DOT1L: variants seen among roughly 807,000 people sequenced by gnomAD.
DOT1L encodes the protein DOT1 like histone lysine methyltransferase, also known as histone-lysine N-methyltransferase, H3 lysine-79 specific.
In DOT1L, 33 loss-of-function variants were observed where a neutral mutation model predicts 153.3. The observed-to-expected ratio is 0.22, with a 90% CI of 0.16 to 0.29. The LOEUF is 0.29. Ranked by LOEUF, DOT1L falls within the 10% of genes least tolerant of loss-of-function variation. DOT1L has a pLI of 1.00. For synonymous variants in DOT1L, 1,135 were observed against 965.1 expected, an observed-to-expected ratio of 1.18 and a Z score of -3.26; for missense variants, 1,847 against 2,119.9, an observed-to-expected ratio of 0.87 and a Z score of 2.53.
At chr19:2,176,117 C>T (rs765146220) in intron 1 of DOT1L, among the ~76,000 whole-genome samples, 6 of 152,146 alleles carry the variant, frequency 3.9e-5, no homozygotes, top group Non-Finnish European at 8.8e-5. Flanking sequence ...AGTTGGGGGT[C>T]CTCCAGGCCC....
intron 1 of DOT1L, among the ~76,000 whole-genome samples, chr19:2,169,268 C>T (rs953970557): frequency 3.9e-5 from 6 of 152,090 alleles, no homozygotes; most frequent in Non-Finnish European, 8.8e-5. Flanking sequence ...CTTGAGTGTC[C>T]TGAGTAATCC....
chr19:2,197,315 CGGAA>C lies in DOT1L; in HGVS notation c.652-2567_652-2564del, dbSNP rs2023064245. Reference sequence around the variant, plus strand: ...GTTCTGGGTCCACTTGCACTCTGGCCGGAAGTTCCCACATGGGTTCCTGGCTGTG... The same window carrying C: ...GTTCTGGGTCCACTTGCACTCTGGCCGTTCCCACATGGGTTCCTGGCTGTG... On this transcript the variant is annotated intron_variant, in intron 7 of 27. Coordinates refer to ENST00000398665, the MANE Select transcript of DOT1L (RefSeq NM_032482.3). This position sits in a 1 kb window ranked among gnomAD's most constrained non-coding sequence, Gnocchi z 4.1. Among the ~76,000 whole-genome samples the C allele has an allele frequency of 6.6e-6, 1 of 152,166 alleles. No individual in the cohort carries two copies. Among genetic ancestry groups the C allele is most frequent in the Non-Finnish European group, 1.5e-5 (1 of 68,036 alleles).
At chr19:2,173,153 C>G (rs2021736398) in intron 1 of DOT1L, among the ~76,000 whole-genome samples, 1 of 152,120 alleles carries the variant, frequency 6.6e-6, no homozygotes, top group Admixed American at 6.5e-5. Flanking sequence ...GAGCGTTTTT[C>G]CCTGCATGGA....
intron 15 of DOT1L, 29 bp from the exon 16 acceptor site, chr19:2,211,722 T>G (rs1401306287): frequency 1.3e-6 from 2 of 1,540,348 alleles, no homozygotes; most frequent in South Asian, 2.4e-5. Context: ...GCTGCTCTCT[T>G]CTCACCTGTG....
intron 2 of DOT1L, among the ~76,000 whole-genome samples, chr19:2,184,666 G>A (rs1226863793): frequency 1.3e-5 from 2 of 152,144 alleles, no homozygotes; most frequent in African/African-American, 2.4e-5. Flanking sequence ...AGCGGAAGGC[G>A]TGTCCTTCCA....
At chr19:2,178,390 T>C (rs1470132520) in intron 1 of DOT1L, among the ~76,000 whole-genome samples, 5 of 145,640 alleles carry the variant, frequency 3.4e-5, no homozygotes, top group African/African-American at 1.3e-4. Context: ...AAACAAAAAA[T>C]CTCCAAAACA....
rs1317876022 is a variant in DOT1L at position 2,220,689 on chromosome 19, G to A, written c.2806+467G>A. 2 of 366,442 alleles carry A rather than the reference G, an allele frequency of 5.5e-6. No individual in the cohort carries two copies. The highest frequency in any genetic ancestry group is 1.1e-5 in the Non-Finnish European group (2 of 183,648). The allele number at this position is 366,442 out of a possible 1,614,324, so 22.7% of individuals were successfully genotyped here. ...CCCAGTTTCTGCAGAGAGCCAGAGA[G>A]GATGCCACTTTGGCTTTTGTTGACA... On this transcript the variant is annotated intron_variant, in intron 23 of 27. Coordinates refer to ENST00000398665, the MANE Select transcript of DOT1L (RefSeq NM_032482.3). The surrounding 1 kb of genome is among the most constrained non-coding windows in gnomAD (Gnocchi z 4.5).
chr19:2,174,405 G>C (rs2021803592), intron 1 of DOT1L, among the ~76,000 whole-genome samples: 1 of 152,226 alleles, frequency 6.6e-6, no homozygotes, highest in South Asian at 2.1e-4. Flanking sequence ...TGCTCTGTCA[G>C]GTTGGGCACA....
At chr19:2,165,740 G>A (rs1599519000) in intron 1 of DOT1L, among the ~76,000 whole-genome samples, 1 of 151,818 alleles carries the variant, frequency 6.6e-6, no homozygotes, top group Non-Finnish European at 1.5e-5. Context: ...GCTTACCACC[G>A]TCCGACCAGC....
rs751061951 is a variant in DOT1L, at chr19:2,220,100, C to T, written c.2692-8C>T. The T allele has an allele frequency of 1.3e-6, 2 of 1,596,970 alleles. No individual in the cohort carries two copies. Among genetic ancestry groups the T allele is most frequent in the African/African-American group, 1.3e-5 (1 of 74,628 alleles). ...CTGCCCCTGACACACAGGGTTTTCT[C>T]TCTGCAGAGGAGCACCCCCAGTCCC... On this transcript the variant is annotated splice_region_variant and splice_polypyrimidine_tract_variant and intron_variant, in intron 22 of 27. Coordinates refer to ENST00000398665, the MANE Select transcript of DOT1L (RefSeq NM_032482.3). This position sits in a 1 kb window ranked among gnomAD's most constrained non-coding sequence, Gnocchi z 4.5.
intron 7 of DOT1L, among the ~76,000 whole-genome samples, chr19:2,199,544 T>C (rs1408521776): frequency 1.3e-5 from 2 of 152,202 alleles, no homozygotes; most frequent in Non-Finnish European, 2.9e-5. Flanking sequence ...CTGCAGCCCC[T>C]GATTTTGAGC....
Position 2,232,085 on chromosome 19 carries a change from G to C in DOT1L, c.*2293G>C, listed in dbSNP as rs2024624015. The C allele has an allele frequency of 1.4e-5, 3 of 212,490 alleles. No individual in the cohort carries two copies. The highest frequency in any genetic ancestry group is 5.9e-5 in the Admixed American group (1 of 17,000). 13.2% of individuals were successfully genotyped at this position (212,490 alleles called of 1,614,324 possible). ...TGGCAGGGTGGCTGTGGAGACTGGG[G>C]ATCTGGAGCCTGGTGCTGGCACCTG... On this transcript the variant is annotated 3_prime_UTR_variant, in exon 28 of 28. Coordinates refer to ENST00000398665, the MANE Select transcript of DOT1L (RefSeq NM_032482.3).
chr19:2,171,629 G>C (rs993584454), intron 1 of DOT1L, among the ~76,000 whole-genome samples: 3 of 152,152 alleles, frequency 2.0e-5, no homozygotes, highest in Non-Finnish European at 4.4e-5. Flanking sequence ...GCCGGGTGTC[G>C]CTCCGTGTTC....
Position 2,225,409 on chromosome 19 carries a change from A to C in DOT1L, c.3618A>C (p.Thr1206=), listed in dbSNP as rs1280969370. The C allele has an allele frequency of 6.2e-7, 1 of 1,614,126 alleles. No individual in the cohort carries two copies. Among genetic ancestry groups the C allele is most frequent in the Non-Finnish European group, 8.5e-7 (1 of 1,179,992 alleles). The change falls in exon 26 of 28, where the codon ACA becomes ACC. Residue 1206 remains threonine (T), a synonymous_variant. Transcript: ENST00000398665. ...ACAGAATTGAGAGAAAAATTGCAAC[A>C]ATCTCCTTAGAAAGCAAATCTCCCC... ...SSARIERKIA[T]ISLESKSPPK...
At position 2,217,173 on chromosome 19, in the gene DOT1L, C is replaced by T; in HGVS notation, c.2544+83C>T. On this transcript the variant is annotated intron_variant, in intron 21 of 27. Transcript: ENST00000398665. This position sits in a 1 kb window ranked among gnomAD's most constrained non-coding sequence, Gnocchi z 7.3. ...GCGAGTTGCTAGCAGGAGGGCTTGT[C>T]CTAGTTGACCTTGGGGCACGGTGAG... 1.4e-6 allele frequency: 2 copies of T among 1,462,192 alleles called. No individual in the cohort carries two copies. The highest frequency in any genetic ancestry group is 2.4e-5 in the East Asian group (1 of 41,380). 90.6% of individuals were successfully genotyped at this position (1,462,192 alleles called of 1,614,324 possible).
intron 1 of DOT1L, among the ~76,000 whole-genome samples, chr19:2,172,104 C>A (rs950867402): frequency 2.6e-5 from 4 of 152,160 alleles, no homozygotes; most frequent in Admixed American, 2.0e-4. Context: ...CTGAAACTCA[C>A]TTGGAGGCTC....
chr19:2,181,231 G>C (rs1358526867), intron 2 of DOT1L, among the ~76,000 whole-genome samples: 4 of 152,206 alleles, frequency 2.6e-5, no homozygotes, highest in Admixed American at 2.0e-4. Flanking sequence ...CCTCTCTGCT[G>C]CCCACTGGGA....
chr19:2,228,275 G>A (rs1178133760), intron 27 of DOT1L: 8 of 1,357,802 alleles, frequency 5.9e-6, no homozygotes, highest in Non-Finnish European at 5.9e-6. Flanking sequence ...CCACGGGGCC[G>A]TCCGCGGTGT....
Position 2,216,991 on chromosome 19 carries a change from G to C in DOT1L, c.2445G>C (p.Gln815His). The C allele has an allele frequency of 6.2e-7, 1 of 1,613,082 alleles. No homozygotes were observed. Among genetic ancestry groups the C allele is most frequent in the Non-Finnish European group, 8.5e-7 (1 of 1,179,836 alleles). ...EHTKENGLPY[Q>H]SPSVPGSMKL... ...CCAAGGAGAACGGCCTTCCCTACCAGAGCCCCAGCGTGCCTGGCAGCATGA... is the reference window on the plus strand; with the variant it reads ...CCAAGGAGAACGGCCTTCCCTACCACAGCCCCAGCGTGCCTGGCAGCATGA... Residue 815 changes from glutamine to histidine, a missense_variant, in exon 21 of 28, where the codon CAG (glutamine) becomes CAC (histidine). This residue lies in a region of DOT1L where 281 missense variants were observed against 263.6 expected (regional missense o/e 1.07). Transcript: ENST00000398665.
Sources: allele counts gnomAD v4.1 joint callset (sites outside exome capture counted in the v4.1 genomes callset), GRCh38; gene constraint gnomAD v4.1.1; regional missense constraint gnomAD v4.1.1; non-coding constraint Gnocchi (gnomAD v3.1); transcripts MANE v1.5; gene names NCBI Gene and HGNC (gene_info 2026-07-23, HGNC 2026-07-21).